HDAC9: variants seen among roughly 807,000 people sequenced by gnomAD.
The protein encoded by HDAC9 is MEF-2 interacting transcription repressor (MITR) protein.
A neutral mutation model predicts 139.4 loss-of-function variants in HDAC9; 41 were observed. The observed-to-expected ratio is 0.29, with a 90% CI of 0.23 to 0.38. HDAC9 has a LOEUF of 0.38. Ranked by LOEUF, HDAC9 falls within the 10% of genes least tolerant of loss-of-function variation. The pLI, the probability that HDAC9 is intolerant of heterozygous loss-of-function variation, is 1.00. For missense variants in HDAC9, 1,147 were observed against 1,297.0 expected, an observed-to-expected ratio of 0.88 and a Z score of 1.78; for synonymous variants, 517 against 476.2, an observed-to-expected ratio of 1.09 and a Z score of -1.12.
intron 22 of HDAC9, among the ~76,000 whole-genome samples, chr7:18,922,600 T>G (rs1048880276): frequency 5.3e-5 from 8 of 152,168 alleles, no homozygotes; most frequent in Admixed American, 2.6e-4. Context: ...ACCCAGGAGA[T>G]TCTGATTAAC....
At chr7:18,328,802 A>T (rs1387505274) in intron 1 of HDAC9, among the ~76,000 whole-genome samples, 1 of 151,912 alleles carries the variant, frequency 6.6e-6, no homozygotes, top group Admixed American at 6.6e-5. Flanking sequence ...CTCTGGTATC[A>T]TGGTAATGAT....
chr7:18,254,743 A>G (rs1286722220), intron 2 of HDAC9, among the ~76,000 whole-genome samples: 2 of 152,200 alleles, frequency 1.3e-5, no homozygotes, highest in African/African-American at 2.4e-5. Flanking sequence ...TCACACACTT[A>G]AAATAATTTA....
chr7:18,499,293 A>G (rs1332969272), intron 2 of HDAC9, among the ~76,000 whole-genome samples: 1 of 152,018 alleles, frequency 6.6e-6, no homozygotes. Context: ...ACTAATATTG[A>G]TGGTTTTTGT....
intron 3 of HDAC9, among the ~76,000 whole-genome samples, chr7:18,588,812 G>A (rs1385457861): frequency 6.6e-6 from 1 of 152,120 alleles, no homozygotes; most frequent in African/African-American, 2.4e-5. Flanking sequence ...ACTTTGTGCT[G>A]TGTGCCTGCA....
At chr7:18,786,050 C>G (rs1791686541) in intron 16 of HDAC9, among the ~76,000 whole-genome samples, 1 of 151,802 alleles carries the variant, frequency 6.6e-6, no homozygotes, top group South Asian at 2.1e-4. Context: ...AAACTGAAAA[C>G]ATGGACTGTT....
chr7:18,549,622 T>G (rs1043215833), intron 2 of HDAC9, among the ~76,000 whole-genome samples: 1 of 152,232 alleles, frequency 6.6e-6, no homozygotes, highest in Non-Finnish European at 1.5e-5. Context: ...GATTTTGATA[T>G]TGTACTATTA....
chr7:18,287,206 AT>A (rs60515936), upstream of HDAC9, among the ~76,000 whole-genome samples: 34 of 151,046 alleles, frequency 2.3e-4, 1 homozygote, highest in Middle Eastern at 3.4e-3. Context: ...TCTATTGCTT[AT>A]TTTTTTTTAC....
At chr7:18,750,294 A>G (rs1453799045) in intron 14 of HDAC9, among the ~76,000 whole-genome samples, 1 of 152,184 alleles carries the variant, frequency 6.6e-6, no homozygotes, top group Non-Finnish European at 1.5e-5. Flanking sequence ...AAGGGTGGAT[A>G]ATATATTCTA....
At chr7:18,450,657 CTT>C (rs1792730264) in intron 1 of HDAC9, among the ~76,000 whole-genome samples, 1 of 152,156 alleles carries the variant, frequency 6.6e-6, no homozygotes, top group African/African-American at 2.4e-5. Flanking sequence ...GAGTGCTTCT[CTT>C]TTGTTACAGA....
chr7:18,161,758 C>T (rs1262684320), intron 1 of HDAC9, among the ~76,000 whole-genome samples: 1 of 152,008 alleles, frequency 6.6e-6, no homozygotes, highest in East Asian at 1.9e-4. Flanking sequence ...AGTTTATGGC[C>T]TTTTTGTTCT....
chr7:18,146,837 A>C (rs1425946849), intron 1 of HDAC9, among the ~76,000 whole-genome samples: 1 of 152,192 alleles, frequency 6.6e-6, no homozygotes, highest in East Asian at 1.9e-4. Flanking sequence ...CCCAAGAAGC[A>C]GAACAGTCAT....
chr7:18,439,872 T>C (rs917994396), intron 1 of HDAC9, among the ~76,000 whole-genome samples: 2 of 152,210 alleles, frequency 1.3e-5, no homozygotes, highest in South Asian at 2.1e-4. Flanking sequence ...AATGTATTTC[T>C]ATTATGGGTT....
chr7:18,234,167 C>T (rs182829969), intron 2 of HDAC9, among the ~76,000 whole-genome samples: 1 of 152,218 alleles, frequency 6.6e-6, no homozygotes, highest in Non-Finnish European at 1.5e-5. Flanking sequence ...GGCAGTGTAC[C>T]AGGTATTACA....
At chr7:18,141,165 A>C (rs937240982) in intron 1 of HDAC9, among the ~76,000 whole-genome samples, 2 of 152,218 alleles carry the variant, frequency 1.3e-5, no homozygotes, top group African/African-American at 2.4e-5. Flanking sequence ...TCCTTTCAAA[A>C]GTAAACTGTA....
chr7:18,914,139 G>A (rs1285960456), intron 22 of HDAC9, among the ~76,000 whole-genome samples: 1 of 151,720 alleles, frequency 6.6e-6, no homozygotes, highest in Non-Finnish European at 1.5e-5. Flanking sequence ...CACCATGTGA[G>A]GACGTGGTGA....
chr7:18,345,899 TTCTG>T (rs1782379877), intron 1 of HDAC9, among the ~76,000 whole-genome samples: 1 of 151,996 alleles, frequency 6.6e-6, no homozygotes, highest in African/African-American at 2.4e-5. Flanking sequence ...CGACTCCTGT[TTCTG>T]TCTGTTTCTC....
chr7:18,722,409 G>A (rs1238751840), intron 12 of HDAC9, among the ~76,000 whole-genome samples: 1 of 152,160 alleles, frequency 6.6e-6, no homozygotes, highest in Non-Finnish European at 1.5e-5. Context: ...TTTATTAACA[G>A]TAGATTCTGA....
At chr7:18,840,468 T>C (rs1297551916) in intron 21 of HDAC9, among the ~76,000 whole-genome samples, 3 of 152,058 alleles carry the variant, frequency 2.0e-5, no homozygotes, top group Non-Finnish European at 4.4e-5. Flanking sequence ...GAGAGAGTTG[T>C]CTAGTAGAGG....
intron 25 of HDAC9, among the ~76,000 whole-genome samples, chr7:18,980,715 C>CTCTTCTTCTTCCTTCTTCTTCTTCCT (rs750333967): frequency 7.5e-6 from 1 of 133,466 alleles, no homozygotes; most frequent in African/African-American, 2.8e-5. Flanking sequence ...TTCCTTCTTC[C>CTCTTCTTCTTCCTTCTTCTTCTTCCT]TCTTCTTCTT....
Sources: gnomAD v4.1 joint callset for allele counts (sites outside exome capture counted in the v4.1 genomes callset) on GRCh38, gnomAD v4.1.1 for gene constraint, MANE v1.5 for transcripts, NCBI Gene and HGNC (gene_info 2026-07-23, HGNC 2026-07-21) for gene names.